KDM3B: variants seen among roughly 807,000 people sequenced by gnomAD.
KDM3B encodes lysine demethylase 3B, also known as lysine-specific demethylase 3B.
In KDM3B, 10 loss-of-function variants were observed where a neutral mutation model predicts 170.0. The ratio of observed to expected loss-of-function variants is 0.06; its 90% CI spans 0.04 to 0.10. KDM3B has a LOEUF of 0.10. Among genes scored for constraint, KDM3B ranks in the 10% least tolerant of loss-of-function variants. KDM3B has a pLI of 1.00. For synonymous variants in KDM3B, 831 were observed against 834.8 expected, an observed-to-expected ratio of 1.00 and a Z score of 0.08; for missense variants, 1,394 against 2,195.2, an observed-to-expected ratio of 0.64 and a Z score of 7.29.
rs1036949139 is a variant in KDM3B at position 138,379,818 on chromosome 5, T to C, written c.705+110T>C. ...AGATGACTTGGGTTTCATCCCTGGC[T>C]CTATTACTTAATAGTTGTATAACCC... On this transcript the variant is annotated intron_variant, in intron 5 of 23. Coordinates refer to ENST00000314358, the MANE Select transcript of KDM3B (RefSeq NM_016604.4). 1.7e-5 allele frequency: 18 copies of C among 1,028,994 alleles called. No homozygotes were observed. In the African/African-American group the frequency reaches 2.9e-4, roughly 17 times the overall value. The allele number at this position is 1,028,994 out of a possible 1,614,324, so 63.7% of individuals were successfully genotyped here. A position where few individuals can be genotyped will look rare whatever the true frequency, so the allele number is the denominator to read the frequency against.
chr5:138,364,652 T>A (rs1761702682), intron 1 of KDM3B, among the ~76,000 whole-genome samples: 1 of 152,226 alleles, frequency 6.6e-6, no homozygotes, highest in African/African-American at 2.4e-5. Flanking sequence ...TAAGCATTTA[T>A]CTGGAGCCCA....
In KDM3B at chr5:138,418,075, G is replaced by GTTT. The variant is rs34275336; in HGVS notation, c.3435+485_3435+487dup. On this transcript the variant is annotated intron_variant, in intron 13 of 23. Transcript: ENST00000314358. Reference sequence around the variant, plus strand: ...CATTGCTTTGTCAGTTTTGGTTTTGGTTTTTTTTTTTTTTTTTTTTTTCAG... The same window carrying GTTT: ...CATTGCTTTGTCAGTTTTGGTTTTGGTTTTTTTTTTTTTTTTTTTTTTTTTCAG... 2.3e-3 allele frequency: 223 copies of GTTT among 96,772 alleles called. 4 individuals carry two copies. The highest frequency in any genetic ancestry group is 3.2e-3 in the Non-Finnish European group (159 of 50,454). The allele number at this position is 96,772 out of a possible 1,614,324, so 6.0% of individuals were successfully genotyped here.
At chr5:138,426,925 G>T in intron 17 of KDM3B, 50 bp from the exon 18 acceptor site, 3 of 1,390,754 alleles carry the variant, frequency 2.2e-6, no homozygotes, top group Non-Finnish European at 3.1e-6. Flanking sequence ...TTGAAAATCG[G>T]ACACCAGCCA....
At chr5:138,374,432 G>A in intron 2 of KDM3B, 1 of 294,374 alleles carries the variant, frequency 3.4e-6, no homozygotes, top group Non-Finnish European at 6.9e-6. Flanking sequence ...CTTATTTTTT[G>A]TATTTTTAGT....
At position 138,391,623 on chromosome 5, in the gene KDM3B, CCACTGT is replaced by C; in HGVS notation, c.1995_2000del (p.Val666_Thr667del). ...GCATCAGGTAGCTCCTCTTCTGCTA[CCACTGT>C]CACCTCCAAGGTGGCACCCAGCTGG... On this transcript the variant is annotated inframe_deletion, in exon 8 of 24. Transcript: ENST00000314358. The surrounding 1 kb of genome is among the most constrained non-coding windows in gnomAD (Gnocchi z 5.0). 2.5e-6 allele frequency: 4 copies of C among 1,614,184 alleles called. No homozygotes were observed. Among genetic ancestry groups the C allele is most frequent in the Non-Finnish European group, 3.4e-6 (4 of 1,180,036 alleles).
intron 16 of KDM3B, 139 bp downstream of exon 16, chr5:138,424,480 T>C: frequency 9.6e-7 from 1 of 1,044,066 alleles, no homozygotes; most frequent in Non-Finnish European, 1.4e-6. Flanking sequence ...CTTCGAGTTG[T>C]CTTGGATTTT....
intron 1 of KDM3B, among the ~76,000 whole-genome samples, chr5:138,361,408 C>T (rs1761607414): frequency 6.6e-6 from 1 of 151,702 alleles, no homozygotes; most frequent in Non-Finnish European, 1.5e-5. Flanking sequence ...TCTCTCTAAC[C>T]AAACTCTGGA....
intron 11 of KDM3B, among the ~76,000 whole-genome samples, chr5:138,408,144 G>T (rs765245760): frequency 6.6e-6 from 1 of 152,096 alleles, no homozygotes; most frequent in African/African-American, 2.4e-5. Context: ...AAGTTCATTT[G>T]CATAATAACA....
chr5:138,435,567 C>A, intron 23 of KDM3B, 53 bp from the exon 24 acceptor site: 1 of 1,407,034 alleles, frequency 7.1e-7, no homozygotes, highest in Non-Finnish European at 1.0e-6. Context: ...CAAGGTAGAA[C>A]GTACATTTGC....
intron 1 of KDM3B, among the ~76,000 whole-genome samples, chr5:138,362,209 C>G (rs995573616): frequency 2.0e-5 from 3 of 151,448 alleles, no homozygotes; most frequent in Non-Finnish European, 4.4e-5. Context: ...CCCTGCTACT[C>G]GGGAGGCTGA....
intron 12 of KDM3B, among the ~76,000 whole-genome samples, chr5:138,416,881 C>T (rs558720976): frequency 6.6e-6 from 1 of 152,226 alleles, no homozygotes; most frequent in South Asian, 2.1e-4. Context: ...AGTACAGTGG[C>T]ACAATCTCAG....
chr5:138,430,786 A>C (rs1390265143), intron 22 of KDM3B, among the ~76,000 whole-genome samples: 37 of 152,150 alleles, frequency 2.4e-4, no homozygotes, highest in Admixed American at 2.4e-3. Flanking sequence ...GCTACTCAGG[A>C]GGCTGAGGCA....
chr5:138,401,457 A>T (rs182396770), intron 11 of KDM3B, among the ~76,000 whole-genome samples: 1 of 152,234 alleles, frequency 6.6e-6, no homozygotes, highest in Non-Finnish European at 1.5e-5. Flanking sequence ...TGAACCATTC[A>T]TTCCTTTGCA....
Position 138,419,152 on chromosome 5 carries a change from G to T in KDM3B, c.3635G>T (p.Cys1212Phe), listed in dbSNP as rs1265021812. Residue 1212 changes from cysteine to phenylalanine, a missense_variant, in exon 14 of 24, where the codon TGC (cysteine) becomes TTC (phenylalanine). Around this residue, in one of 19 missense-constraint regions of KDM3B, gnomAD observed 87 missense variants for 83.3 expected, o/e 1.04. Transcript: ENST00000314358. ...GAACTGAAAGCCATCAGGCCTCCTT[G>T]CCCTGACACGGCCCCACCCTCCTCC... is the stretch of plus-strand genomic sequence containing the variant. ...NSELKAIRPP[C>F]PDTAPPSSAL... is the part of the protein sequence containing the mutation. 3.7e-6 allele frequency: 6 copies of T among 1,614,160 alleles called. No homozygotes were observed. In the South Asian group the frequency reaches 6.6e-5, roughly 18 times the overall value.
Position 138,403,172 on chromosome 5 carries a change from A to G in KDM3B, c.3199+3160A>G, listed in dbSNP as rs118020779. On this transcript the variant is annotated intron_variant, in intron 11 of 23. Coordinates refer to ENST00000314358, the MANE Select transcript of KDM3B (RefSeq NM_016604.4). ...AGAAGCAAACTGATTAGCAAGTTAC[A>G]TAATTGTGCACCACACTAACACCAA... Among the ~76,000 whole-genome samples, 671 of 152,328 alleles carry G rather than the reference A, an allele frequency of 4.4e-3. 8 individuals carry two copies. Among genetic ancestry groups the G allele is most frequent in the East Asian group, 0.027 (141 of 5,186 alleles).
chr5:138,352,979 G>A lies in KDM3B; in HGVS notation c.184G>A (p.Asp62Asn). 3 of 1,232,390 alleles carry A rather than the reference G, an allele frequency of 2.4e-6. No individual in the cohort carries two copies. The highest frequency in any genetic ancestry group is 3.3e-5 in the East Asian group (1 of 30,686). 76.3% of individuals were successfully genotyped at this position (1,232,390 alleles called of 1,614,324 possible). A position where few individuals can be genotyped will look rare whatever the true frequency, so the allele number is the denominator to read the frequency against. ...GGCCATGAGCGGGGCGGTGCCCCAG[G>A]ACCTAGCGGTGAGTGGCGGCCGAGT... ...VRAMSGAVPQ[D>N]LAIFVEFDGC... is the part of the protein sequence containing the mutation. The change falls in exon 1 of 24, where the codon GAC becomes AAC. Residue 62 changes from aspartate to asparagine, a missense_variant. This residue lies in a region of KDM3B where 99 missense variants were observed against 97.5 expected (regional missense o/e 1.02). Coordinates refer to ENST00000314358, the MANE Select transcript of KDM3B (RefSeq NM_016604.4).
At chr5:138,422,434 C>T (rs1464442518) in intron 15 of KDM3B, among the ~76,000 whole-genome samples, 1 of 152,054 alleles carries the variant, frequency 6.6e-6, no homozygotes, top group Admixed American at 6.6e-5. Flanking sequence ...GTCAGGAGTT[C>T]GAGACTAACC....
Position 138,392,249 on chromosome 5 carries a change from G to GC in KDM3B, c.2623dup (p.Leu875ProfsTer42). On this transcript the variant is annotated frameshift_variant, in exon 8 of 24. Transcript: ENST00000314358. LOFTEE classifies it high-confidence loss of function. Reference sequence around the variant, plus strand: ...GGCCCCCAAGGGCCGGCCTCGGACTGCCCCCCTGAAAGGTGATCCTGCTGG... The same window carrying GC: ...GGCCCCCAAGGGCCGGCCTCGGACTGCCCCCCCTGAAAGGTGATCCTGCTGG... 6.7e-7 allele frequency: 1 copy of GC among 1,493,208 alleles called. No individual in the cohort carries two copies. The allele number at this position is 1,493,208 out of a possible 1,614,324, so 92.5% of individuals were successfully genotyped here. A position where few individuals can be genotyped will look rare whatever the true frequency, so the allele number is the denominator to read the frequency against.
Position 138,386,425 on chromosome 5 carries a change from C to A in KDM3B, c.1184C>A (p.Ala395Asp), listed in dbSNP as rs369026540. 2.4e-5 allele frequency: 38 copies of A among 1,614,062 alleles called. No individual in the cohort carries two copies. The highest frequency in any genetic ancestry group is 3.2e-5 in the Non-Finnish European group (38 of 1,180,056). ...ACAGCCACAGGTCAGACACCTTTGG[C>A]CCCAGAGGTGGGTGGAGCCGAAAAC... The part of the protein sequence containing the change: ...YSTATGQTPL[A>D]PEVGGAENKE... The change falls in exon 7 of 24, where the codon GCC (alanine) becomes GAC (aspartate). Residue 395 changes from alanine to aspartate, a missense_variant. Around this residue, in one of 19 missense-constraint regions of KDM3B, gnomAD observed 205 missense variants for 227.6 expected, o/e 0.90. Transcript: ENST00000314358.
Sources: gnomAD v4.1 joint callset for allele counts (sites outside exome capture counted in the v4.1 genomes callset) on GRCh38, gnomAD v4.1.1 for gene constraint, gnomAD v4.1.1 regional missense constraint, Gnocchi (gnomAD v3.1) non-coding constraint, MANE v1.5 for transcripts, NCBI Gene and HGNC (gene_info 2026-07-23, HGNC 2026-07-21) for gene names.